PCDH11X: variants seen among roughly 807,000 people sequenced by gnomAD.
The protein encoded by PCDH11X is protocadherin 11 X-linked.
PCDH11X carries 18 observed loss-of-function variants against 53.3 expected under a neutral mutation model. The ratio of observed to expected loss-of-function variants is 0.34; its 90% CI spans 0.23 to 0.50. The LOEUF is 0.50. Ranked by LOEUF, PCDH11X falls within the 20% of genes least tolerant of loss-of-function variation. PCDH11X has a pLI of 0.98. For synonymous variants in PCDH11X, 279 were observed against 393.3 expected (o/e 0.71, Z 3.44); for missense variants, 570 against 1,032.4 (o/e 0.55, Z 6.14).
At chrX:92,257,823 G>T (rs2067628265) in intron 7 of PCDH11X, among the ~76,000 whole-genome samples, 1 of 112,325 alleles carries the variant, frequency 8.9e-6, no homozygotes, top group Non-Finnish European at 1.9e-5. Context: ...CTGGTATTGA[G>T]TGCTTGTGGC....
intron 6 of PCDH11X, among the ~76,000 whole-genome samples, chrX:91,931,633 A>T: frequency 9.1e-6 from 1 of 110,015 alleles, no homozygotes; most frequent in Non-Finnish European, 1.9e-5. Context: ...ACTTCTAGAT[A>T]AAAAGAAACA....
intron 6 of PCDH11X, among the ~76,000 whole-genome samples, chrX:92,168,269 A>G (rs1290057845): frequency 9.1e-6 from 1 of 109,494 alleles, no homozygotes; most frequent in Non-Finnish European, 1.9e-5. Context: ...TTTAAACTAT[A>G]TAAATACTGG....
chrX:91,942,277 G>T (rs2061520621), intron 6 of PCDH11X, among the ~76,000 whole-genome samples: 1 of 110,296 alleles, frequency 9.1e-6, no homozygotes, highest in African/African-American at 3.3e-5. Flanking sequence ...AAGGTTCATT[G>T]TCTTTGAAAA....
intron 6 of PCDH11X, among the ~76,000 whole-genome samples, chrX:91,965,057 CT>C (rs987760375): frequency 1.8e-5 from 2 of 110,524 alleles, no homozygotes; most frequent in Non-Finnish European, 1.9e-5. Flanking sequence ...GAAGTATTTT[CT>C]TTACTTTTGC....
intron 6 of PCDH11X, among the ~76,000 whole-genome samples, chrX:91,994,614 G>A (rs866460310): frequency 1.5e-4 from 16 of 103,621 alleles, no homozygotes; most frequent in African/African-American, 4.0e-4. Context: ...ACATGAGAAC[G>A]TAGATATCCC....
chrX:92,111,274 CAT>C (rs1000247665), intron 6 of PCDH11X, among the ~76,000 whole-genome samples: 4 of 81,447 alleles, frequency 4.9e-5, no homozygotes, highest in Non-Finnish European at 6.7e-5. Context: ...ACTTTCTAAG[CAT>C]ATGTTTTCGC....
intron 8 of PCDH11X, among the ~76,000 whole-genome samples, chrX:92,309,881 C>G (rs1238519559): frequency 1.8e-5 from 2 of 111,830 alleles, no homozygotes; most frequent in Non-Finnish European, 3.8e-5. Flanking sequence ...CTATTTAATA[C>G]TGATCTAGAT....
rs756913614 is a variant in PCDH11X, at chrX:92,452,927, C to T, written c.3344-15372C>T. 1.5e-4 allele frequency among the ~76,000 whole-genome samples: 11 copies of T among 73,561 alleles called. 2 individuals carry two copies. The East Asian group carries it at 2.7e-3, about 18-fold the overall frequency. 63.9% of individuals were successfully genotyped at this position (73,561 alleles called of 115,157 possible). A position where few individuals can be genotyped will look rare whatever the true frequency, so the allele number is the denominator to read the frequency against. On this transcript the variant is annotated intron_variant, in intron 9 of 10. Coordinates refer to ENST00000682573, the MANE Select transcript of PCDH11X (RefSeq NM_032968.5). Reference sequence around the variant, plus strand: ...CCCTCTTTGTCTTCCTTATTTTACCCGCATATTTTAGTTTTTGTTATTTTC... The same window carrying T: ...CCCTCTTTGTCTTCCTTATTTTACCTGCATATTTTAGTTTTTGTTATTTTC...
intron 6 of PCDH11X, among the ~76,000 whole-genome samples, chrX:92,183,915 G>A (rs766170476): frequency 9.0e-6 from 1 of 111,457 alleles, no homozygotes; most frequent in South Asian, 3.8e-4. Flanking sequence ...CCACTCTCCA[G>A]AAATTTCTAT....
At chrX:91,858,493 C>T (rs1314953854) in intron 5 of PCDH11X, among the ~76,000 whole-genome samples, 4 of 111,770 alleles carry the variant, frequency 3.6e-5, no homozygotes, top group Non-Finnish European at 7.5e-5. Flanking sequence ...TTTTTCCAAA[C>T]TTTCATGCTC....
intron 6 of PCDH11X, among the ~76,000 whole-genome samples, chrX:91,919,446 G>T: frequency 8.9e-6 from 1 of 111,780 alleles, no homozygotes; most frequent in Non-Finnish European, 1.9e-5. Context: ...GTAGACAATT[G>T]TCCATTAAAG....
intron 6 of PCDH11X, among the ~76,000 whole-genome samples, chrX:91,923,895 G>C (rs757397074): frequency 2.7e-5 from 3 of 110,279 alleles, no homozygotes; most frequent in Non-Finnish European, 3.8e-5. Context: ...CTACTAGAGT[G>C]GGGGGGAGCT....
chrX:92,147,986 T>TTCCTTCCTTCCTTTCC (rs1249503379), intron 6 of PCDH11X, among the ~76,000 whole-genome samples: 1 of 84,749 alleles, frequency 1.2e-5, no homozygotes, highest in African/African-American at 5.7e-5. Flanking sequence ...CCTTCCTTCC[T>TTCCTTCCTTCCTTTCC]TTCTTTCTTT....
At chrX:92,511,838 C>G (rs955396395) in intron 10 of PCDH11X, among the ~76,000 whole-genome samples, 1 of 111,201 alleles carries the variant, frequency 9.0e-6, no homozygotes, top group Admixed American at 9.6e-5. Context: ...TTATCAAAAG[C>G]TATCAAGGAA....
At chrX:92,309,661 T>C (rs12559487) in intron 8 of PCDH11X, among the ~76,000 whole-genome samples, 7,424 of 111,799 alleles carry the variant, frequency 0.066, 395 homozygotes, top group East Asian at 0.31. Flanking sequence ...AATTTTATGT[T>C]ATATTTTTTC....
intron 6 of PCDH11X, among the ~76,000 whole-genome samples, chrX:92,125,425 GGTTTTGATGACTTA>G (rs1164163585): frequency 5.4e-4 from 60 of 111,597 alleles, no homozygotes; most frequent in African/African-American, 1.7e-3. Flanking sequence ...TAATAAGACT[GGTTTTGATGACTTA>G]GTTTTGATGA....
rs1045159961 is a variant in PCDH11X at position 92,264,146 on chromosome X, C to T, written c.3144+1003C>T. On this transcript the variant is annotated intron_variant, in intron 8 of 10. Coordinates refer to ENST00000682573, the MANE Select transcript of PCDH11X (RefSeq NM_032968.5). ...TGCCAGAGAGTTGTCTAAGCTATGC[C>T]GGAAAGTAATCTGTTCACCTTGGAT... Among the ~76,000 whole-genome samples the T allele has an allele frequency of 4.5e-5, 5 of 111,754 alleles. No individual in the cohort carries two copies. In the South Asian group the frequency reaches 1.5e-3, roughly 33 times the overall value.
At chrX:92,050,505 G>A (rs1390827079) in intron 6 of PCDH11X, among the ~76,000 whole-genome samples, 1 of 106,966 alleles carries the variant, frequency 9.3e-6, no homozygotes, top group Non-Finnish European at 1.9e-5. Context: ...GAGCTAGACC[G>A]TCTGGGTTCA....
At chrX:92,561,664 G>T (rs2075133191) in intron 10 of PCDH11X, among the ~76,000 whole-genome samples, 1 of 109,954 alleles carries the variant, frequency 9.1e-6, no homozygotes, top group South Asian at 3.9e-4. Context: ...TAGATAAATA[G>T]GCTCAAAAGC....
Sources: allele counts gnomAD v4.1 joint callset (sites outside exome capture counted in the v4.1 genomes callset), GRCh38; gene constraint gnomAD v4.1.1; transcripts MANE v1.5; gene names NCBI Gene and HGNC (gene_info 2026-07-23, HGNC 2026-07-21).